NAF1: variants seen among roughly 807,000 people sequenced by gnomAD.
The protein encoded by NAF1 is H/ACA ribonucleoprotein complex non-core subunit NAF1.
NAF1 carries 11 observed loss-of-function variants against 40.6 expected under a neutral mutation model. That is an observed-to-expected ratio of 0.27 (90% CI 0.17 to 0.45). NAF1 has a LOEUF of 0.45. Among genes scored for constraint, NAF1 ranks in the 20% least tolerant of loss-of-function variants. The pLI is 1.00. For missense variants in NAF1, 607 were observed against 611.1 expected, an observed-to-expected ratio of 0.99 and a Z score of 0.07; for synonymous variants, 260 against 228.5, an observed-to-expected ratio of 1.14 and a Z score of -1.24.
At chr4:163,130,725 T>C (rs1421145843) in intron 7 of NAF1, among the ~76,000 whole-genome samples, 20 of 152,244 alleles carry the variant, frequency 1.3e-4, no homozygotes. Context: ...CTGGAACACC[T>C]GGACATCCAC....
At chr4:163,125,438 T>C (rs1579131816), downstream of NAF1, among the ~76,000 whole-genome samples, 1 of 152,340 alleles carries the variant, frequency 6.6e-6, no homozygotes, top group South Asian at 2.1e-4. Context: ...ACAGCAGATA[T>C]GGAGTAAGTT....
At chr4:163,163,134 C>G (rs1187937391) in intron 2 of NAF1, among the ~76,000 whole-genome samples, 1 of 152,086 alleles carries the variant, frequency 6.6e-6, no homozygotes, top group African/African-American at 2.4e-5. Flanking sequence ...AAACAAGTCT[C>G]CTACTTTCAG....
At chr4:163,148,667 AGACT>A (rs1364774459) in intron 2 of NAF1, among the ~76,000 whole-genome samples, 2 of 152,194 alleles carry the variant, frequency 1.3e-5, no homozygotes, top group Non-Finnish European at 2.9e-5. Flanking sequence ...AAATTCAGTT[AGACT>A]AAGAACACAG....
At chr4:163,116,738 T>C (rs1730349787) in intron 2 of NAF1, among the ~76,000 whole-genome samples, 9 of 152,188 alleles carry the variant, frequency 5.9e-5, no homozygotes, top group Admixed American at 5.9e-4. Context: ...TTCTTCCTTA[T>C]AAAATGTTAA....
Position 163,140,344 on chromosome 4 carries a change from C to A in NAF1, c.757G>T (p.Val253Leu), listed in dbSNP as rs184757199. 7.8e-5 allele frequency: 126 copies of A among 1,607,726 alleles called. No homozygotes were observed. Among genetic ancestry groups the A allele is most frequent in the Middle Eastern group, 1.7e-4 (1 of 6,038 alleles). Residue 253 changes from valine to leucine, a missense_variant, in exon 5 of 8, where the codon GTG becomes TTG. This residue lies in a region of NAF1 where 407 missense variants were observed against 365.5 expected (regional missense o/e 1.11). Transcript: ENST00000274054. ...TGATCTGAAGAATTAAACCGTAACA[C>A]ATAAAATGGATGTGCAACAGGTCCA... The part of the protein sequence containing the change: ...IFGPVAHPFY[V>L]LRFNSSDHIE...
chr4:163,152,732 T>TCC (rs1487413475), intron 2 of NAF1, among the ~76,000 whole-genome samples: 1 of 152,214 alleles, frequency 6.6e-6, no homozygotes, highest in Admixed American at 6.5e-5. Flanking sequence ...CTGCCTATGC[T>TCC]CCCACTTTGG....
intron 2 of NAF1, among the ~76,000 whole-genome samples, chr4:163,155,881 G>T (rs1352017468): frequency 6.6e-6 from 1 of 151,698 alleles, no homozygotes; most frequent in Non-Finnish European, 1.5e-5. Flanking sequence ...GCAGTGCACA[G>T]AAGATACAAA....
At position 163,166,426 on chromosome 4, in the gene NAF1, G is replaced by A. The variant is rs765124747; in HGVS notation, c.302C>T (p.Ala101Val). Reference sequence around the variant, plus strand: ...GTCCGGCGCCCGCGCAGGCTCTGCGGCTCCTGGGGAGGTGACGCAGTCTCC... The same window carrying A: ...GTCCGGCGCCCGCGCAGGCTCTGCGACTCCTGGGGAGGTGACGCAGTCTCC... ...ACGDCVTSPG[A>V]AEPARAPDSL... Residue 101 changes from alanine (A) to valine (V), a missense_variant, in exon 1 of 8, where the codon GCC becomes GTC. Ala to Val is a moderately conservative substitution (Grantham distance 64). Transcript: ENST00000274054. 8.7e-6 allele frequency: 14 copies of A among 1,607,862 alleles called. No homozygotes were observed. The Admixed American group carries it at 1.2e-4, about 14-fold the overall frequency.
downstream of NAF1, among the ~76,000 whole-genome samples, chr4:163,122,034 T>G (rs1179064118): frequency 1.3e-5 from 2 of 152,206 alleles, no homozygotes; most frequent in South Asian, 2.1e-4. Flanking sequence ...TAAAAACTTT[T>G]AAGTTAATAA....
intron 1 of NAF1, 129 bp downstream of exon 1, chr4:163,166,234 C>T: frequency 2.5e-6 from 3 of 1,190,642 alleles, no homozygotes; most frequent in Non-Finnish European, 2.3e-6. Flanking sequence ...AACACGTGAG[C>T]CCGGAGCACC....
At position 163,166,843 on chromosome 4, in the gene NAF1, A is replaced by G. The variant is rs537798693; in HGVS notation, c.-116T>C. 34 of 1,383,002 alleles carry G rather than the reference A, an allele frequency of 2.5e-5. No homozygotes were observed. The African/African-American group carries it at 3.4e-4, about 14-fold the overall frequency. The allele number at this position is 1,383,002 out of a possible 1,614,324, so 85.7% of individuals were successfully genotyped here. A position where few individuals can be genotyped will look rare whatever the true frequency, so the allele number is the denominator to read the frequency against. On this transcript the variant is annotated 5_prime_UTR_variant, in exon 1 of 8. Transcript: ENST00000274054. ...ACCGCAGCAACACTGCCTGGGCCCA[A>G]CTTCCCGCGTTTCTCAGGTAACTAC...
intron 6 of NAF1, 155 bp from the exon 7 acceptor site, chr4:163,133,411 C>T: frequency 1.8e-6 from 1 of 560,080 alleles, no homozygotes; most frequent in South Asian, 2.7e-5. Context: ...CTGAATTAGA[C>T]ATGGTATAAA....
downstream of NAF1, among the ~76,000 whole-genome samples, chr4:163,106,218 G>A (rs1421702980): frequency 6.6e-6 from 1 of 152,042 alleles, no homozygotes; most frequent in Non-Finnish European, 1.5e-5. Flanking sequence ...ACTCACAATG[G>A]TTTGCCAGTG....
chr4:163,115,199 A>ATTTTTTTTTTTTTTTTTTTTTTTTTT (rs201172406), intron 2 of NAF1, among the ~76,000 whole-genome samples: 1 of 103,708 alleles, frequency 9.6e-6, no homozygotes, highest in African/African-American at 3.9e-5. Context: ...TAGGACAATA[A>ATTTTTTTTTTTTTTTTTTTTTTTTTT]TTTTTTTATT....
intron 1 of NAF1, among the ~76,000 whole-genome samples, chr4:163,165,730 G>C (rs1732427040): frequency 6.6e-6 from 1 of 152,110 alleles, no homozygotes; most frequent in African/African-American, 2.4e-5. Flanking sequence ...CCACATGCTG[G>C]AGTCCTCTCC....
At chr4:163,122,802 A>T (rs1308092345), downstream of NAF1, among the ~76,000 whole-genome samples, 1 of 152,188 alleles carries the variant, frequency 6.6e-6, no homozygotes, top group African/African-American at 2.4e-5. Flanking sequence ...GTGATGACAT[A>T]GCAAGAAGGC....
intron 2 of NAF1, among the ~76,000 whole-genome samples, chr4:163,117,119 G>A (rs960899279): frequency 6.6e-5 from 10 of 151,958 alleles, no homozygotes; most frequent in African/African-American, 1.5e-4. Flanking sequence ...ACAGTTCTAC[G>A]GCTTTTCTCA....
Position 163,147,152 on chromosome 4 carries a change from G to T in NAF1, c.634+1189C>A, listed in dbSNP as rs985796387. ...GAATTTTAATTATTATTTTTGAAAAGAAGGTTCATTTTAATCTACATTTTT... is the reference window on the plus strand; with the variant it reads ...GAATTTTAATTATTATTTTTGAAAATAAGGTTCATTTTAATCTACATTTTT... On this transcript the variant is annotated intron_variant, in intron 3 of 7. Coordinates refer to ENST00000274054, the MANE Select transcript of NAF1 (RefSeq NM_138386.3). Among the ~76,000 whole-genome samples, 3 of 152,208 alleles carry T rather than the reference G, an allele frequency of 2.0e-5. No homozygotes were observed. In the South Asian group the frequency reaches 6.2e-4, roughly 32 times the overall value.
chr4:163,161,099 C>A (rs147502052), intron 2 of NAF1, among the ~76,000 whole-genome samples: 3 of 151,498 alleles, frequency 2.0e-5, no homozygotes, highest in East Asian at 1.9e-4. Context: ...CACTAATTAG[C>A]CAGTTCATGG....
Sources: gnomAD v4.1 joint callset for allele counts (sites outside exome capture counted in the v4.1 genomes callset) on GRCh38, gnomAD v4.1.1 for gene constraint, gnomAD v4.1.1 regional missense constraint, MANE v1.5 for transcripts, NCBI Gene and HGNC (gene_info 2026-07-23, HGNC 2026-07-21) for gene names.